SLC25A21: variants seen among roughly 807,000 people sequenced by gnomAD.
SLC25A21 encodes solute carrier family 25 member 21.
In SLC25A21, 47 loss-of-function variants were observed where a neutral mutation model predicts 43.8. That is an observed-to-expected ratio of 1.07 (90% CI 0.85 to 1.37). The LOEUF (loss-of-function observed/expected upper bound fraction) is 1.37, where lower values mean the gene tolerates loss of function less well. SLC25A21 is among the 40% of genes most tolerant of loss of function. The probability of loss-of-function intolerance (pLI) is 0.00; values close to 1 mark genes in which losing one functional copy is unlikely to be tolerated. For missense variants in SLC25A21, 352 were observed against 350.2 expected, an observed-to-expected ratio of 1.00 and a Z score of -0.04; for synonymous variants, 131 against 121.3, an observed-to-expected ratio of 1.08 and a Z score of -0.52.
At chr14:36,903,082 C>T (rs890497200) in intron 1 of SLC25A21, among the ~76,000 whole-genome samples, 1 of 152,190 alleles carries the variant, frequency 6.6e-6, no homozygotes, top group Non-Finnish European at 1.5e-5. Flanking sequence ...CACACAGTTG[C>T]CTTGAGAACC....
chr14:37,011,107 A>G (rs1464456386), intron 1 of SLC25A21, among the ~76,000 whole-genome samples: 1 of 152,026 alleles, frequency 6.6e-6, no homozygotes, highest in Non-Finnish European at 1.5e-5. Flanking sequence ...GGCTTGTCTC[A>G]AACTCCTCAC....
intron 1 of SLC25A21, among the ~76,000 whole-genome samples, chr14:37,006,435 A>C (rs1011907830): frequency 2.0e-5 from 3 of 152,116 alleles, no homozygotes; most frequent in African/African-American, 7.2e-5. Flanking sequence ...ATCAACATAC[A>C]TGTTGACGTA....
At chr14:36,703,051 G>A (rs1566513966) in intron 7 of SLC25A21, among the ~76,000 whole-genome samples, 1 of 152,112 alleles carries the variant, frequency 6.6e-6, no homozygotes, top group South Asian at 2.1e-4. Context: ...TTTCCCCAGT[G>A]GTTTCTAGAA....
In SLC25A21 at chr14:36,996,298, T is replaced by C. The variant is rs1960370629; in HGVS notation, c.71-121294A>G. The stretch of plus-strand genomic sequence containing the variant: ...TCACTTGATCATAGTATCTAAGTCA[T>C]GTCTGCCAGCCTTAACTAGGTCCTC... On this transcript the variant is annotated intron_variant, in intron 1 of 9. Coordinates refer to ENST00000331299, the MANE Select transcript of SLC25A21 (RefSeq NM_030631.4). Among the ~76,000 whole-genome samples, 5 of 152,184 alleles carry C rather than the reference T, an allele frequency of 3.3e-5. No homozygotes were observed. The South Asian group carries it at 1.0e-3, about 32-fold the overall frequency.
intron 1 of SLC25A21, among the ~76,000 whole-genome samples, chr14:36,886,823 GT>G (rs1240874594): frequency 6.6e-6 from 1 of 152,102 alleles, no homozygotes; most frequent in Non-Finnish European, 1.5e-5. Context: ...CTCAATAGAA[GT>G]TATTCTTGTC....
chr14:36,829,142 C>T (rs562598198), intron 2 of SLC25A21, among the ~76,000 whole-genome samples: 9 of 152,210 alleles, frequency 5.9e-5, no homozygotes, highest in African/African-American at 2.2e-4. Flanking sequence ...AAGTGATCCA[C>T]CCACCTCTCC....
intron 2 of SLC25A21, among the ~76,000 whole-genome samples, chr14:36,819,128 C>T (rs1475806894): frequency 6.6e-6 from 1 of 152,166 alleles, no homozygotes; most frequent in Non-Finnish European, 1.5e-5. Context: ...CGATCAGAAT[C>T]ACACACAACA....
intron 1 of SLC25A21, among the ~76,000 whole-genome samples, chr14:37,002,777 C>T (rs944044936): frequency 2.0e-5 from 3 of 152,150 alleles, no homozygotes; most frequent in South Asian, 2.1e-4. Flanking sequence ...TACTTATTAG[C>T]GGGAAGGGCT....
At chr14:36,876,896 TATAG>T (rs71449955) in intron 1 of SLC25A21, among the ~76,000 whole-genome samples, 5,573 of 138,374 alleles carry the variant, frequency 0.04, 156 homozygotes, top group South Asian at 0.074. Flanking sequence ...ATGATGGGAT[TATAG>T]ATAGATAGAT....
chr14:36,986,764 T>C (rs1594739003), intron 1 of SLC25A21, among the ~76,000 whole-genome samples: 1 of 152,138 alleles, frequency 6.6e-6, no homozygotes, highest in South Asian at 2.1e-4. Context: ...GTTTAGGTGT[T>C]CTTTGTTTCT....
chr14:36,824,489 C>A (rs938768764), intron 2 of SLC25A21, among the ~76,000 whole-genome samples: 2 of 152,130 alleles, frequency 1.3e-5, no homozygotes, highest in African/African-American at 4.8e-5. Flanking sequence ...ATACTGCTTA[C>A]TTTTATATCA....
At chr14:37,037,654 C>A (rs950519458) in intron 1 of SLC25A21, among the ~76,000 whole-genome samples, 1 of 152,040 alleles carries the variant, frequency 6.6e-6, no homozygotes, top group African/African-American at 2.4e-5. Context: ...TATGTTCTGA[C>A]CCTGCCCTCC....
intron 3 of SLC25A21, among the ~76,000 whole-genome samples, chr14:36,749,422 C>T (rs10143550): frequency 0.14 from 21,707 of 152,004 alleles, 2,349 homozygotes; most frequent in African/African-American, 0.31. Flanking sequence ...TTACTCTAAA[C>T]ATTGCAATAG....
chr14:36,780,134 A>G (rs561033151), intron 3 of SLC25A21, among the ~76,000 whole-genome samples: 1 of 151,894 alleles, frequency 6.6e-6, no homozygotes, highest in African/African-American at 2.4e-5. Flanking sequence ...TTGGCATATA[A>G]TTGTTTATAG....
chr14:37,041,278 A>G (rs1197766316), intron 1 of SLC25A21, among the ~76,000 whole-genome samples: 1 of 152,202 alleles, frequency 6.6e-6, no homozygotes, highest in African/African-American at 2.4e-5. Flanking sequence ...GAACTAATTC[A>G]TTATTTGCAT....
chr14:36,823,796 A>C (rs1888721572), intron 2 of SLC25A21, among the ~76,000 whole-genome samples: 1 of 152,178 alleles, frequency 6.6e-6, no homozygotes, highest in Non-Finnish European at 1.5e-5. Context: ...GATCCTCCCA[A>C]GCAACCCCCT....
chr14:36,796,520 C>T (rs1043298513), intron 3 of SLC25A21, among the ~76,000 whole-genome samples: 12 of 151,756 alleles, frequency 7.9e-5, no homozygotes, highest in Non-Finnish European at 2.9e-5. Context: ...AGGACTCAGG[C>T]GCTCCATCAG....
chr14:36,862,673 G>T (rs567033877), intron 2 of SLC25A21, among the ~76,000 whole-genome samples: 1 of 152,194 alleles, frequency 6.6e-6, no homozygotes, highest in East Asian at 1.9e-4. Flanking sequence ...ACGAGTTGAT[G>T]GGTGCAGCAA....
intron 2 of SLC25A21, among the ~76,000 whole-genome samples, chr14:36,823,880 C>G (rs1888724668): frequency 6.6e-6 from 1 of 152,152 alleles, no homozygotes; most frequent in African/African-American, 2.4e-5. Flanking sequence ...CCATCCTTAC[C>G]TGTTGAACAT....
Sources: allele counts gnomAD v4.1 joint callset (sites outside exome capture counted in the v4.1 genomes callset), GRCh38; gene constraint gnomAD v4.1.1; transcripts MANE v1.5; gene names NCBI Gene and HGNC (gene_info 2026-07-23, HGNC 2026-07-21).